ROCK1: variants seen among roughly 807,000 people sequenced by gnomAD.
ROCK1 encodes the protein rho-associated protein kinase 1.
In ROCK1, 36 loss-of-function variants were observed where a neutral mutation model predicts 196.8. The ratio of observed to expected loss-of-function variants is 0.18; its 90% CI spans 0.14 to 0.24. The LOEUF (loss-of-function observed/expected upper bound fraction) is 0.24, where lower values mean the gene tolerates loss of function less well. Among genes scored for constraint, ROCK1 ranks in the 10% least tolerant of loss-of-function variants. The probability of loss-of-function intolerance (pLI) is 1.00; values close to 1 mark genes in which losing one functional copy is unlikely to be tolerated. For missense variants in ROCK1, 920 were observed against 1,562.0 expected, an observed-to-expected ratio of 0.59 and a Z score of 6.93; for synonymous variants, 443 against 515.9, an observed-to-expected ratio of 0.86 and a Z score of 1.91.
chr18:20,959,130 T>TATTATA (rs1568367503), intron 29 of ROCK1, among the ~76,000 whole-genome samples: 1 of 50,474 alleles, frequency 2.0e-5, no homozygotes, highest in African/African-American at 1.7e-4. Context: ...AATATATATA[T>TATTATA]TATATATATT....
chr18:20,992,511 C>G (rs1279374598), intron 17 of ROCK1, among the ~76,000 whole-genome samples: 1 of 152,156 alleles, frequency 6.6e-6, no homozygotes, highest in Non-Finnish European at 1.5e-5. Flanking sequence ...TAAGCCCTCA[C>G]AGCACATTCA....
In ROCK1 at chr18:20,953,797, AG is replaced by A; in HGVS notation, c.3854-13del. On this transcript the variant is annotated splice_polypyrimidine_tract_variant and intron_variant, in intron 31 of 32. Coordinates refer to ENST00000399799, the MANE Select transcript of ROCK1 (RefSeq NM_005406.3). ...TACATCATAACTTACTATGTTAAGG[AG>A]GAAAAAAAAAGCATAATTAAAGCCA... 2 of 1,216,446 alleles carry A rather than the reference AG, an allele frequency of 1.6e-6. No homozygotes were observed. Among genetic ancestry groups the A allele is most frequent in the Non-Finnish European group, 2.3e-6 (2 of 877,494 alleles). The allele number at this position is 1,216,446 out of a possible 1,614,324, so 75.4% of individuals were successfully genotyped here. A position where few individuals can be genotyped will look rare whatever the true frequency, so the allele number is the denominator to read the frequency against.
intron 27 of ROCK1, among the ~76,000 whole-genome samples, chr18:20,962,755 A>T (rs2035338884): frequency 6.6e-6 from 1 of 152,200 alleles, no homozygotes; most frequent in Admixed American, 6.5e-5. Context: ...AAAGGTGTCA[A>T]GAATATGTGA....
intron 6 of ROCK1, among the ~76,000 whole-genome samples, chr18:21,043,789 T>C (rs1369377450): frequency 2.6e-5 from 4 of 151,954 alleles, no homozygotes; most frequent in African/African-American, 9.7e-5. Context: ...CTGGCATAAG[T>C]ATTTAGTGAC....
intron 1 of ROCK1, among the ~76,000 whole-genome samples, chr18:21,097,626 T>C (rs1051523717): frequency 3.3e-5 from 5 of 152,218 alleles, no homozygotes; most frequent in African/African-American, 9.6e-5. Context: ...AGCTGGGAGA[T>C]AGATAATAAT....
At chr18:21,064,078 TGAAAA>T in intron 2 of ROCK1, among the ~76,000 whole-genome samples, 1 of 152,304 alleles carries the variant, frequency 6.6e-6, no homozygotes, top group African/African-American at 2.4e-5. Context: ...CATGAGAATT[TGAAAA>T]GAAAAAACAA....
chr18:21,020,278 GA>G, intron 11 of ROCK1, 39 bp from the exon 12 acceptor site: 1 of 1,101,846 alleles, frequency 9.1e-7, no homozygotes, highest in Non-Finnish European at 1.3e-6. Flanking sequence ...ATTCTACTAA[GA>G]ATATTTAGAC....
intron 1 of ROCK1, among the ~76,000 whole-genome samples, chr18:21,105,650 A>G (rs1181312144): frequency 1.3e-5 from 2 of 152,234 alleles, no homozygotes; most frequent in African/African-American, 4.8e-5. Flanking sequence ...GTTTAGCGAC[A>G]GGGACAATAG....
intron 6 of ROCK1, among the ~76,000 whole-genome samples, chr18:21,043,263 A>G (rs1304207831): frequency 6.6e-6 from 1 of 152,170 alleles, no homozygotes; most frequent in African/African-American, 2.4e-5. Context: ...CTGGGGAAGC[A>G]TATGTATGGG....
At position 20,986,134 on chromosome 18, in the gene ROCK1, T is replaced by G. The variant is rs117850000; in HGVS notation, c.2304+816A>C. On this transcript the variant is annotated intron_variant, in intron 19 of 32. Transcript: ENST00000399799. ...CCTCAGCCTCCCGAAGTGCTGGGAT[T>G]ACAGGTGTCAGCCAACGTGCCTGGC... Among the ~76,000 whole-genome samples, 28 of 152,308 alleles carry G rather than the reference T, an allele frequency of 1.8e-4. No homozygotes were observed. In the East Asian group the frequency reaches 5.2e-3, roughly 28 times the overall value.
At chr18:21,055,553 T>A (rs530302190) in intron 2 of ROCK1, among the ~76,000 whole-genome samples, 3 of 152,204 alleles carry the variant, frequency 2.0e-5, no homozygotes, top group South Asian at 4.1e-4. Flanking sequence ...ACTACTTCTA[T>A]CTTAACTTAA....
intron 4 of ROCK1, among the ~76,000 whole-genome samples, chr18:21,046,398 A>C (rs1435734939): frequency 1.3e-5 from 2 of 152,228 alleles, no homozygotes; most frequent in Non-Finnish European, 1.5e-5. Flanking sequence ...CCAAATCATA[A>C]ACTAATCCAT....
At position 21,052,411 on chromosome 18, in the gene ROCK1, T is replaced by C. The variant is rs757669376; in HGVS notation, c.176-2531A>G. ...AGGATCTTAAACGAAGCCTATTTAT[T>C]GTAAAGTAGTCATGTAAGAAACCCA... On this transcript the variant is annotated intron_variant, in intron 2 of 32. Coordinates refer to ENST00000399799, the MANE Select transcript of ROCK1 (RefSeq NM_005406.3). Among the ~76,000 whole-genome samples, 55 of 152,224 alleles carry C rather than the reference T, an allele frequency of 3.6e-4. 1 individual carries two copies. Among genetic ancestry groups the C allele is most frequent in the Non-Finnish European group, 7.3e-5 (5 of 68,034 alleles).
chr18:21,057,947 G>C (rs1416372228), intron 2 of ROCK1, among the ~76,000 whole-genome samples: 1 of 152,166 alleles, frequency 6.6e-6, no homozygotes, highest in East Asian at 1.9e-4. Context: ...CAATAAAGTA[G>C]TTTTTACAAT....
At position 21,008,045 on chromosome 18, in the gene ROCK1, T is replaced by C; in HGVS notation, c.1546+14A>G. ...TAGAAATTCTATCATTTTTCAAAAG[T>C]AGTGACAATTTACCTTCATTTTCTA... On this transcript the variant is annotated intron_variant, in intron 14 of 32. Coordinates refer to ENST00000399799, the MANE Select transcript of ROCK1 (RefSeq NM_005406.3). 6.3e-7 allele frequency: 1 copy of C among 1,577,214 alleles called. No homozygotes were observed. The highest frequency in any genetic ancestry group is 8.6e-7 in the Non-Finnish European group (1 of 1,160,860).
intron 2 of ROCK1, among the ~76,000 whole-genome samples, chr18:21,063,877 C>A (rs1423938786): frequency 6.6e-6 from 1 of 152,152 alleles, no homozygotes; most frequent in Non-Finnish European, 1.5e-5. Context: ...TTTATTATAA[C>A]CAGACCATTT....
chr18:21,021,297 T>G (rs2035910828), intron 11 of ROCK1, among the ~76,000 whole-genome samples: 1 of 151,924 alleles, frequency 6.6e-6, no homozygotes, highest in African/African-American at 2.4e-5. Flanking sequence ...GGACTGGAGC[T>G]CAGACAAGCA....
chr18:21,019,342 A>G (rs535248700), intron 12 of ROCK1, among the ~76,000 whole-genome samples: 1 of 152,158 alleles, frequency 6.6e-6, no homozygotes, highest in South Asian at 2.1e-4. Flanking sequence ...TTCAGTAGAG[A>G]TGCGGTTTCG....
chr18:21,096,934 G>T (rs900244384), intron 1 of ROCK1, among the ~76,000 whole-genome samples: 6 of 152,122 alleles, frequency 3.9e-5, no homozygotes, highest in African/African-American at 1.2e-4. Flanking sequence ...GAGACTACAG[G>T]AGTTCAAAAA....
Sources: gnomAD v4.1 joint callset for allele counts (sites outside exome capture counted in the v4.1 genomes callset) on GRCh38, gnomAD v4.1.1 for gene constraint, MANE v1.5 for transcripts, NCBI Gene and HGNC (gene_info 2026-07-23, HGNC 2026-07-21) for gene names.